ANKRD2: variants seen among roughly 807,000 people sequenced by gnomAD.
The protein encoded by ANKRD2 is ankyrin repeat domain-containing protein 2.
A neutral mutation model predicts 37.3 loss-of-function variants in ANKRD2; 35 were observed. That is an observed-to-expected ratio of 0.94 (90% confidence interval 0.72 to 1.24). ANKRD2 has a LOEUF of 1.24. Among genes scored for constraint, ANKRD2 ranks in the 50% most tolerant of loss-of-function variants. The pLI is 0.00. For missense variants in ANKRD2, 410 were observed against 445.6 expected (o/e 0.92, Z 0.72); for synonymous variants, 159 against 186.5 (o/e 0.85, Z 1.20).
intron 4 of ANKRD2, among the ~76,000 whole-genome samples, chr10:97,580,135 A>G (rs1250216163): frequency 6.6e-6 from 1 of 152,148 alleles, no homozygotes; most frequent in African/African-American, 2.4e-5. Context: ...CCTACTTCCG[A>G]GCACCATGCT....
intron 1 of ANKRD2, among the ~76,000 whole-genome samples, chr10:97,575,910 CAAA>C (rs5787245): frequency 1.0e-4 from 14 of 136,172 alleles, no homozygotes; most frequent in Admixed American, 3.6e-4. Flanking sequence ...GACTCGGTCT[CAAA>C]AAAAAAAAAA....
intron 6 of ANKRD2, 67 bp downstream of exon 6, chr10:97,581,481 G>A: frequency 6.6e-7 from 1 of 1,512,898 alleles, no homozygotes; most frequent in Admixed American, 1.7e-5. Context: ...AGGGGTCCAA[G>A]GGCAGGAAAG....
chr10:97,577,761 C>A, intron 1 of ANKRD2, 39 bp from the exon 2 acceptor site: 1 of 1,501,694 alleles, frequency 6.7e-7, no homozygotes. Flanking sequence ...CTGCCTGTCT[C>A]CTCGGGTCCT....
Position 97,583,639 on chromosome 10 carries a change from C to T in ANKRD2, c.916C>T (p.His306Tyr). Reference protein sequence around the residue: ...WQADTRHALEHPEPGAEHNGL... With the variant: ...WQADTRHALEYPEPGAEHNGL... ...GGCTGATACCCGGCACGCCCTGGAG[C>T]ATCCTGAGCCGGGGGCTGAGCATAA... Residue 306 changes from histidine (H) to tyrosine (Y), a missense_variant, in exon 9 of 9, where the codon CAT becomes TAT. Physicochemically the swap from His to Tyr is moderately conservative, Grantham distance 83. Coordinates refer to ENST00000370655, the MANE Select transcript of ANKRD2 (RefSeq NM_001346793.2). 1 of 1,606,436 alleles carries T rather than the reference C, an allele frequency of 6.2e-7. No individual in the cohort carries two copies. The highest frequency in any genetic ancestry group is 8.5e-7 in the Non-Finnish European group (1 of 1,176,960).
In ANKRD2 at chr10:97,582,410, C is replaced by T; in HGVS notation, c.750C>T (p.Asp250=). The T allele has an allele frequency of 1.9e-6, 3 of 1,567,492 alleles. No homozygotes were observed. In the East Asian group the frequency reaches 7.2e-5, roughly 37 times the overall value. ...TGGGCCTGGAAATCAATGCCAGAGACAGGGTGAGTGCTAGCCTGTCCGCTG... is the reference window on the plus strand; with the variant it reads ...TGGGCCTGGAAATCAATGCCAGAGATAGGGTGAGTGCTAGCCTGTCCGCTG... ...LSLGLEINAR[D]REGDTALHDA... is the part of the protein sequence containing the mutation. The change falls in exon 7 of 9, where the codon GAC becomes GAT. Residue 250 remains aspartate (D), a synonymous_variant. Coordinates refer to ENST00000370655, the MANE Select transcript of ANKRD2 (RefSeq NM_001346793.2).
At chr10:97,573,551 C>T (rs535533888) in intron 1 of ANKRD2, among the ~76,000 whole-genome samples, 13 of 152,074 alleles carry the variant, frequency 8.5e-5, no homozygotes, top group African/African-American at 2.4e-4. Flanking sequence ...CTCAGCCTCC[C>T]GAGTAGCTGG....
intron 1 of ANKRD2, 66 bp from the exon 2 acceptor site, chr10:97,577,734 T>G: frequency 3.1e-6 from 4 of 1,289,336 alleles, no homozygotes; most frequent in Non-Finnish European, 4.3e-6. Context: ...GTGTCCTTGG[T>G]GTGGTTGGGG....
At chr10:97,582,291 C>T in intron 6 of ANKRD2, 24 bp from the exon 7 acceptor site, 1 of 1,546,400 alleles carries the variant, frequency 6.5e-7, no homozygotes, top group Non-Finnish European at 8.8e-7. Context: ...CGTCAACTAG[C>T]AGTTCCTGAT....
chr10:97,572,528 T>C (rs768400636), upstream of ANKRD2: 195 of 739,676 alleles, frequency 2.6e-4, 1 homozygote, highest in Middle Eastern at 8.2e-4. Flanking sequence ...GGACAGAGGC[T>C]GGACGGGCTC....
Position 97,577,892 on chromosome 10 carries a change from G to T in ANKRD2, c.180G>T (p.Gln60His), listed in dbSNP as rs1326446103. Residue 60 changes from glutamine (Q) to histidine (H), a missense_variant, in exon 2 of 9, where the codon CAG (glutamine) becomes CAT (histidine). Gln to His is a conservative substitution (Grantham distance 24, BLOSUM62 0). Transcript: ENST00000370655. ...KHHGAQSAAL[Q>H]KVKGQERVRK... ...ACGGGGCTCAGAGTGCAGCCCTGCAGAAGGTGAAGGTAAGCCTGGGAGGAT... is the reference window on the plus strand; with the variant it reads ...ACGGGGCTCAGAGTGCAGCCCTGCATAAGGTGAAGGTAAGCCTGGGAGGAT... 1 of 1,561,920 alleles carries T rather than the reference G, an allele frequency of 6.4e-7. No homozygotes were observed. The highest frequency in any genetic ancestry group is 1.9e-5 in the Admixed American group (1 of 51,648).
chr10:97,575,618 C>T (rs944575955), intron 1 of ANKRD2, among the ~76,000 whole-genome samples: 4 of 152,000 alleles, frequency 2.6e-5, no homozygotes, highest in African/African-American at 9.7e-5. Flanking sequence ...ACAACAACAA[C>T]AAAATTTATA....
chr10:97,578,044 G>A (rs773502673), intron 2 of ANKRD2, 143 bp downstream of exon 2: 6 of 1,073,754 alleles, frequency 5.6e-6, no homozygotes, highest in Admixed American at 5.4e-5. Context: ...TCTCCGCCCC[G>A]TCCCAGAACT....
Position 97,583,826 on chromosome 10 carries a change from C to T in ANKRD2, c.*101C>T. The T allele has an allele frequency of 1.5e-6, 2 of 1,336,418 alleles. No individual in the cohort carries two copies. The highest frequency in any genetic ancestry group is 2.0e-6 in the Non-Finnish European group (2 of 1,022,446). 82.8% of individuals were successfully genotyped at this position (1,336,418 alleles called of 1,614,324 possible). On this transcript the variant is annotated 3_prime_UTR_variant, in exon 9 of 9. Coordinates refer to ENST00000370655, the MANE Select transcript of ANKRD2 (RefSeq NM_001346793.2). ...GCTAACTGAGGGCCCAGCCTTTTTT[C>T]TGCATGATCCAGGAGCACATACCAC...
chr10:97,577,047 A>G (rs550258624), intron 1 of ANKRD2, among the ~76,000 whole-genome samples: 359 of 151,458 alleles, frequency 2.4e-3, no homozygotes, highest in Middle Eastern at 0.021. Context: ...ACTGTCACTC[A>G]GGCTGGAGTG....
chr10:97,576,135 C>A (rs1183441020), intron 1 of ANKRD2, among the ~76,000 whole-genome samples: 1 of 152,134 alleles, frequency 6.6e-6, no homozygotes, highest in African/African-American at 2.4e-5. Flanking sequence ...CCTGGGAAAT[C>A]GGCTCTCAAA....
chr10:97,582,737 G>T lies in ANKRD2; in HGVS notation c.852+35G>T, dbSNP rs113936857. The T allele has an allele frequency of 5.0e-6, 8 of 1,595,014 alleles. No homozygotes were observed. In the Admixed American group the frequency reaches 1.2e-4, roughly 23 times the overall value. Reference sequence around the variant, plus strand: ...TTCCCTCCTTGATTCAGTCACTGGCGTGAGCACTCATACAGTGGAGGTGCT... The same window carrying T: ...TTCCCTCCTTGATTCAGTCACTGGCTTGAGCACTCATACAGTGGAGGTGCT... On this transcript the variant is annotated intron_variant, in intron 8 of 8. Transcript: ENST00000370655.
chr10:97,582,575 G>C (rs1370398526), intron 7 of ANKRD2, 29 bp from the exon 8 acceptor site: 2 of 1,607,072 alleles, frequency 1.2e-6, no homozygotes, highest in African/African-American at 2.7e-5. Flanking sequence ...TGCCCACAAG[G>C]GCCATAGTGA....
In ANKRD2 at chr10:97,577,159, C is replaced by T. The variant is rs151319023; in HGVS notation, c.88-641C>T. On this transcript the variant is annotated intron_variant, in intron 1 of 8. Coordinates refer to ENST00000370655, the MANE Select transcript of ANKRD2 (RefSeq NM_001346793.2). ...GCTGGCACTACAACAAAAGCCACTA[C>T]GCTTGGCTAATTATTTAATTTTTTT... Among the ~76,000 whole-genome samples the T allele has an allele frequency of 8.8e-3, 1,336 of 152,120 alleles. 12 individuals carry two copies. Among genetic ancestry groups the T allele is most frequent in the Non-Finnish European group, 0.016 (1,079 of 67,990 alleles).
chr10:97,577,736 T>G, intron 1 of ANKRD2, 64 bp from the exon 2 acceptor site: 6 of 1,312,822 alleles, frequency 4.6e-6, no homozygotes, highest in Non-Finnish European at 6.3e-6. Context: ...GTCCTTGGTG[T>G]GGTTGGGGGA....
Sources: gnomAD v4.1 joint callset for allele counts (sites outside exome capture counted in the v4.1 genomes callset) on GRCh38, gnomAD v4.1.1 for gene constraint, MANE v1.5 for transcripts, NCBI Gene and HGNC (gene_info 2026-07-23, HGNC 2026-07-21) for gene names.